GPC6: variants seen among roughly 807,000 people sequenced by gnomAD.
GPC6 encodes the protein glypican-6.
Under a neutral mutation model 55.2 loss-of-function variants are expected in GPC6, and 14 were observed. The ratio of observed to expected loss-of-function variants is 0.25; its 90% CI spans 0.17 to 0.40. GPC6 has a LOEUF of 0.40. GPC6 is among the 10% of genes least tolerant of loss of function. GPC6 has a pLI of 1.00. For missense variants in GPC6, 641 were observed against 708.5 expected (o/e 0.90, Z 1.08); for synonymous variants, 278 against 259.6 (o/e 1.07, Z -0.68).
intron 2 of GPC6, among the ~76,000 whole-genome samples, chr13:93,689,525 A>G (rs1364585048): frequency 2.0e-5 from 3 of 152,070 alleles, no homozygotes; most frequent in Non-Finnish European, 2.9e-5. Flanking sequence ...TGGCATTTTA[A>G]TAGGGAAAGC....
chr13:94,403,116 G>T lies in GPC6; in HGVS notation c.1567G>T (p.Asp523Tyr). 6.2e-7 allele frequency: 1 copy of T among 1,613,792 alleles called. No individual in the cohort carries two copies. The highest frequency in any genetic ancestry group is 1.1e-5 in the South Asian group (1 of 91,072). ...VTTEAPAVDP[D>Y]RREVDSSAAQ... ...CACAGAGGCCCCCGCAGTGGATCCC[G>T]ACCGGAGAGAGGTGGACTCTTCTGC... is the stretch of plus-strand genomic sequence containing the variant. Residue 523 changes from aspartate (D) to tyrosine (Y), a missense_variant, in exon 9 of 9, where the codon GAC becomes TAC. Coordinates refer to ENST00000377047, the MANE Select transcript of GPC6 (RefSeq NM_005708.5).
intron 6 of GPC6, among the ~76,000 whole-genome samples, chr13:94,366,914 A>G (rs1275794019): frequency 6.6e-6 from 1 of 152,214 alleles, no homozygotes; most frequent in East Asian, 1.9e-4. Flanking sequence ...CAAAGGAACA[A>G]AGCCAGGCAA....
chr13:93,947,598 G>A (rs1192674449), intron 3 of GPC6, among the ~76,000 whole-genome samples: 1 of 152,102 alleles, frequency 6.6e-6, no homozygotes, highest in Non-Finnish European at 1.5e-5. Context: ...TCCCAAAGTT[G>A]CTGTGCCATG....
chr13:93,731,761 A>C (rs536884009), intron 2 of GPC6, among the ~76,000 whole-genome samples: 1 of 152,234 alleles, frequency 6.6e-6, no homozygotes, highest in Non-Finnish European at 1.5e-5. Flanking sequence ...ACATAAAGGA[A>C]GCCTAGTTAT....
chr13:94,301,382 G>A (rs949659031), intron 5 of GPC6, among the ~76,000 whole-genome samples: 1 of 152,060 alleles, frequency 6.6e-6, no homozygotes, highest in Admixed American at 6.6e-5. Flanking sequence ...GGGCAACGGA[G>A]TGAGACCCCG....
intron 1 of GPC6, among the ~76,000 whole-genome samples, chr13:93,290,907 A>G (rs1447954306): frequency 6.6e-6 from 1 of 152,186 alleles, no homozygotes; most frequent in African/African-American, 2.4e-5. Flanking sequence ...TAAAAAGTGT[A>G]TTCAATATTA....
At chr13:94,269,244 T>C (rs1891915148) in intron 4 of GPC6, among the ~76,000 whole-genome samples, 1 of 152,148 alleles carries the variant, frequency 6.6e-6, no homozygotes, top group Non-Finnish European at 1.5e-5. Context: ...CATCTTTTAT[T>C]ATTGTCTCCT....
At chr13:93,438,456 A>G (rs1352670159) in intron 1 of GPC6, among the ~76,000 whole-genome samples, 1 of 152,114 alleles carries the variant, frequency 6.6e-6, no homozygotes, top group Non-Finnish European at 1.5e-5. Flanking sequence ...TATTAACAGG[A>G]GTTTGGAAGA....
At chr13:93,349,265 T>TA (rs1245898872) in intron 1 of GPC6, among the ~76,000 whole-genome samples, 2 of 151,876 alleles carry the variant, frequency 1.3e-5, no homozygotes, top group Admixed American at 1.3e-4. Context: ...GTTAGCTTTT[T>TA]TTTCCCTGTA....
chr13:94,032,033 G>A (rs1883160333), intron 4 of GPC6, among the ~76,000 whole-genome samples: 1 of 152,160 alleles, frequency 6.6e-6, no homozygotes, highest in South Asian at 2.1e-4. Flanking sequence ...AGAGGCAAAG[G>A]TTGATGAGAC....
intron 2 of GPC6, among the ~76,000 whole-genome samples, chr13:93,789,448 A>G (rs1356212890): frequency 6.8e-6 from 1 of 147,188 alleles, no homozygotes; most frequent in Non-Finnish European, 1.5e-5. Context: ...GAGTGTACCT[A>G]TCATTACAGT....
chr13:94,156,425 TATAGAC>T (rs1244077566), intron 4 of GPC6, among the ~76,000 whole-genome samples: 5 of 152,122 alleles, frequency 3.3e-5, no homozygotes, highest in Non-Finnish European at 5.9e-5. Context: ...ATAATATAGA[TATAGAC>T]ATAGATATAT....
intron 3 of GPC6, among the ~76,000 whole-genome samples, chr13:93,922,554 G>C (rs942902794): frequency 1.3e-5 from 2 of 152,086 alleles, no homozygotes; most frequent in Admixed American, 1.3e-4. Context: ...TATGTTCCTA[G>C]TTTCTACCCA....
intron 3 of GPC6, among the ~76,000 whole-genome samples, chr13:93,919,263 C>T (rs530019832): frequency 6.6e-6 from 1 of 152,308 alleles, no homozygotes; most frequent in African/African-American, 2.4e-5. Context: ...ATTACCCAGT[C>T]TCAGATATTT....
intron 1 of GPC6, among the ~76,000 whole-genome samples, chr13:93,340,797 T>A (rs1471682506): frequency 1.3e-5 from 2 of 152,108 alleles, no homozygotes; most frequent in Non-Finnish European, 2.9e-5. Flanking sequence ...TTATTTTTTT[T>A]ATTTCAATAG....
At chr13:94,084,410 G>GA (rs1227416417) in intron 4 of GPC6, among the ~76,000 whole-genome samples, 1 of 152,118 alleles carries the variant, frequency 6.6e-6, no homozygotes, top group Non-Finnish European at 1.5e-5. Flanking sequence ...GAAATGGATA[G>GA]GAAAACTTTT....
intron 2 of GPC6, among the ~76,000 whole-genome samples, chr13:93,800,736 TTAAAA>T (rs1162348559): frequency 2.0e-5 from 3 of 152,342 alleles, no homozygotes; most frequent in South Asian, 4.1e-4. Flanking sequence ...AAATGTTTTG[TTAAAA>T]TAAAGAAAAT....
At chr13:94,048,715 C>G (rs9589890) in intron 4 of GPC6, among the ~76,000 whole-genome samples, 4,418 of 151,994 alleles carry the variant, frequency 0.029, 212 homozygotes, top group African/African-American at 0.1. Flanking sequence ...GAGGCAATGT[C>G]TAGGTGTGCA....
chr13:94,060,368 G>A (rs985971020), intron 4 of GPC6, among the ~76,000 whole-genome samples: 3 of 152,140 alleles, frequency 2.0e-5, no homozygotes, highest in Non-Finnish European at 4.4e-5. Flanking sequence ...TGTGTTCCCT[G>A]ATAAACCCCA....
Sources: allele counts gnomAD v4.1 joint callset (sites outside exome capture counted in the v4.1 genomes callset), GRCh38; gene constraint gnomAD v4.1.1; transcripts MANE v1.5; gene names NCBI Gene and HGNC (gene_info 2026-07-23, HGNC 2026-07-21).